SATB2: variants seen among roughly 807,000 people sequenced by gnomAD.
SATB2 encodes the protein DNA-binding protein SATB2.
Under a neutral mutation model 73.4 loss-of-function variants are expected in SATB2, and 1 was observed. The observed-to-expected ratio is 0.01, with a 90% CI of 0.00 to 0.06. The LOEUF is 0.06. Ranked by LOEUF, SATB2 falls within the 10% of genes least tolerant of loss-of-function variation. The pLI, the probability that SATB2 is intolerant of heterozygous loss-of-function variation, is 1.00. For missense variants in SATB2, 459 were observed against 945.8 expected (o/e 0.49, Z 6.75); for synonymous variants, 397 against 367.0 (o/e 1.08, Z -0.93).
chr2:199,329,202 G>A (rs746360745), intron 7 of SATB2: 95 of 428,058 alleles, frequency 2.2e-4, no homozygotes, highest in Non-Finnish European at 3.7e-4. Context: ...TTGTGAAACT[G>A]CAATTACCAC....
At chr2:199,434,826 G>C (rs73067554) in intron 2 of SATB2, among the ~76,000 whole-genome samples, 2,965 of 152,158 alleles carry the variant, frequency 0.019, 95 homozygotes, top group African/African-American at 0.067. Flanking sequence ...GAAAGCCAAG[G>C]GTGGGAGCAG....
At chr2:199,401,080 A>C (rs528120036) in intron 3 of SATB2, among the ~76,000 whole-genome samples, 7 of 152,182 alleles carry the variant, frequency 4.6e-5, no homozygotes, top group Non-Finnish European at 8.8e-5. Context: ...AATATTCTCT[A>C]TCACTAAACT....
chr2:199,378,671 C>G (rs987816970), intron 5 of SATB2, among the ~76,000 whole-genome samples: 3 of 152,156 alleles, frequency 2.0e-5, no homozygotes, highest in Admixed American at 2.0e-4. Context: ...AAAACACCCT[C>G]AAAGGCACAC....
intron 7 of SATB2, chr2:199,347,314 TAA>T (rs1356167337): frequency 6.6e-6 from 1 of 152,258 alleles, no homozygotes; most frequent in Non-Finnish European, 1.5e-5. Context: ...AGGTATCAGA[TAA>T]ATGAAAGCAT....
At chr2:199,350,465 T>TGAATAAA (rs1688783047) in intron 6 of SATB2, among the ~76,000 whole-genome samples, 3 of 152,140 alleles carry the variant, frequency 2.0e-5, no homozygotes, top group African/African-American at 7.2e-5. Context: ...CCAAATCACA[T>TGAATAAA]GTGAAGCACT....
At chr2:199,314,389 C>A (rs1277588212) in intron 9 of SATB2, among the ~76,000 whole-genome samples, 1 of 151,300 alleles carries the variant, frequency 6.6e-6, no homozygotes, top group Non-Finnish European at 1.5e-5. Flanking sequence ...GCAACTTTGT[C>A]ACTGTTCTAA....
At chr2:199,386,747 CACACACACACACACACACA>C (rs1559022045) in intron 3 of SATB2, among the ~76,000 whole-genome samples, 5 of 148,736 alleles carry the variant, frequency 3.4e-5, no homozygotes, top group Non-Finnish European at 7.4e-5. Context: ...CACACACACA[CACACACACACACACACACA>C]CCTTTGAGTT....
intron 9 of SATB2, among the ~76,000 whole-genome samples, chr2:199,321,553 T>C (rs1208970927): frequency 4.6e-5 from 7 of 151,510 alleles, no homozygotes; most frequent in South Asian, 2.1e-4. Context: ...TGTATATATA[T>C]ACACACATAC....
Position 199,349,167 on chromosome 2 carries a change from C to T in SATB2, c.707G>A (p.Arg236Lys). 1 of 1,610,306 alleles carries T rather than the reference C, an allele frequency of 6.2e-7. No individual in the cohort carries two copies. The highest frequency in any genetic ancestry group is 8.5e-7 in the Non-Finnish European group (1 of 1,177,036). ...YKKYKKIKVE[R>K]VERENLSDYC... ...GTCTGAAAGGTTTTCTCGTTCCACT[C>T]TTTCCACTGTTAAGAGATAAAAGTG... Residue 236 changes from arginine to lysine, a missense_variant, in exon 7 of 11, where the codon AGA becomes AAA. Coordinates refer to ENST00000417098, the MANE Select transcript of SATB2 (RefSeq NM_001172509.2).
intron 2 of SATB2, among the ~76,000 whole-genome samples, chr2:199,450,711 G>A (rs916728641): frequency 1.3e-5 from 2 of 151,964 alleles, no homozygotes; most frequent in Non-Finnish European, 2.9e-5. Flanking sequence ...ATACACATAT[G>A]CTGATTCTAT....
intron 7 of SATB2, among the ~76,000 whole-genome samples, chr2:199,339,007 G>A (rs1344672732): frequency 1.3e-5 from 2 of 151,772 alleles, no homozygotes; most frequent in Non-Finnish European, 2.9e-5. Flanking sequence ...TGAGTTTTGT[G>A]AAAGGAGAAA....
At chr2:199,305,347 G>C (rs1221975814) in intron 10 of SATB2, among the ~76,000 whole-genome samples, 1 of 152,012 alleles carries the variant, frequency 6.6e-6, no homozygotes, top group African/African-American at 2.4e-5. Flanking sequence ...GGGCCGATAG[G>C]GGGGTAAAAG....
At chr2:199,297,646 G>C (rs985087368) in intron 10 of SATB2, among the ~76,000 whole-genome samples, 1 of 152,092 alleles carries the variant, frequency 6.6e-6, no homozygotes, top group Non-Finnish European at 1.5e-5. Context: ...TCTGCTAATG[G>C]GGGAGATGCC....
chr2:199,416,496 C>T (rs1209617761), intron 3 of SATB2, among the ~76,000 whole-genome samples: 1 of 152,112 alleles, frequency 6.6e-6, no homozygotes, highest in Non-Finnish European at 1.5e-5. Flanking sequence ...TCTTCAAATG[C>T]TATGTTTACC....
intron 3 of SATB2, among the ~76,000 whole-genome samples, chr2:199,383,015 C>T (rs1273624753): frequency 1.3e-5 from 2 of 152,076 alleles, no homozygotes; most frequent in African/African-American, 4.8e-5. Flanking sequence ...GGTCAGGGCA[C>T]GTCCTGTCCA....
At chr2:199,340,815 T>C (rs1688484208) in intron 7 of SATB2, among the ~76,000 whole-genome samples, 1 of 152,186 alleles carries the variant, frequency 6.6e-6, no homozygotes, top group African/African-American at 2.4e-5. Flanking sequence ...TCCGTTCCAC[T>C]GGATTTAGCC....
intron 8 of SATB2, among the ~76,000 whole-genome samples, chr2:199,324,189 C>T (rs368578864): frequency 1.3e-5 from 2 of 152,044 alleles, no homozygotes; most frequent in Non-Finnish European, 2.9e-5. Flanking sequence ...GCATCCCAGA[C>T]GAAGGTTCAC....
intron 5 of SATB2, among the ~76,000 whole-genome samples, chr2:199,379,390 C>T (rs1404598949): frequency 6.6e-6 from 1 of 152,198 alleles, no homozygotes; most frequent in Non-Finnish European, 1.5e-5. Context: ...CATCTCTCTA[C>T]ACCAGACAGG....
chr2:199,323,694 G>C, intron 9 of SATB2, 109 bp downstream of exon 9: 2 of 1,201,444 alleles, frequency 1.7e-6, no homozygotes, highest in Non-Finnish European at 2.4e-6. Flanking sequence ...AGGTTTCTTG[G>C]GGGTTATTAC....
Sources: gnomAD v4.1 joint callset for allele counts (sites outside exome capture counted in the v4.1 genomes callset) on GRCh38, gnomAD v4.1.1 for gene constraint, MANE v1.5 for transcripts, NCBI Gene and HGNC (gene_info 2026-07-23, HGNC 2026-07-21) for gene names.